The following MAPK4 variants were observed in gnomAD, a reference collection of about 807,000 sequenced individuals.
The protein encoded by MAPK4 is mitogen-activated protein kinase 4, also known as Erk3-related.
Under a neutral mutation model 47.7 loss-of-function variants are expected in MAPK4, and 22 were observed. The observed-to-expected ratio is 0.46, with a 90% CI of 0.33 to 0.66. The LOEUF is 0.66. MAPK4 is among the 30% of genes least tolerant of loss of function. MAPK4 has a pLI of 0.02. For missense variants in MAPK4, 736 were observed against 831.7 expected, an observed-to-expected ratio of 0.88 and a Z score of 1.42; for synonymous variants, 390 against 365.7, an observed-to-expected ratio of 1.07 and a Z score of -0.76.
intron 1 of MAPK4, 39 bp downstream of exon 1, chr18:50,560,282 CCT>C (rs1212176604): frequency 1.3e-5 from 2 of 152,130 alleles, no homozygotes; most frequent in African/African-American, 4.8e-5. Flanking sequence ...CCTCCCGCCG[CCT>C]GCGCCTCTCG....
chr18:50,625,882 GCACACACA>G lies in MAPK4; in HGVS notation c.-870-37168_-870-37161del, dbSNP rs58870306. On this transcript the variant is annotated intron_variant, in intron 1 of 5. Transcript: ENST00000400384. Reference sequence around the variant, plus strand: ...AGAAAAACCAATAGGGTGTGTGTATGCACACACACACACACACACACACACACACACAC... The same window carrying G: ...AGAAAAACCAATAGGGTGTGTGTATGCACACACACACACACACACACACAC... Among the ~76,000 whole-genome samples the G allele has an allele frequency of 2.0e-3, 292 of 145,424 alleles. 2 individuals are homozygous for G. Among genetic ancestry groups the G allele is most frequent in the African/African-American group, 4.6e-3 (178 of 38,630 alleles).
At chr18:50,564,678 T>G (rs1163854485) in intron 1 of MAPK4, among the ~76,000 whole-genome samples, 1 of 152,190 alleles carries the variant, frequency 6.6e-6, no homozygotes, top group Non-Finnish European at 1.5e-5. Context: ...GATATCCTAA[T>G]CTGGTTATTA....
intron 1 of MAPK4, among the ~76,000 whole-genome samples, chr18:50,577,780 G>A (rs2042310503): frequency 6.6e-6 from 1 of 152,180 alleles, no homozygotes; most frequent in Non-Finnish European, 1.5e-5. Flanking sequence ...AATAAATTCA[G>A]CTCACGACCA....
chr18:50,710,929 C>A (rs1237358653), intron 2 of MAPK4, among the ~76,000 whole-genome samples: 1 of 152,316 alleles, frequency 6.6e-6, no homozygotes, highest in African/African-American at 2.4e-5. Context: ...AACTCCCACA[C>A]GCAAGAGATC....
intron 2 of MAPK4, among the ~76,000 whole-genome samples, chr18:50,693,223 C>T (rs538143640): frequency 6.6e-6 from 1 of 152,082 alleles, no homozygotes; most frequent in Non-Finnish European, 1.5e-5. Flanking sequence ...AGCACCACTG[C>T]ACTCCAGCCT....
rs112699030 is a variant in MAPK4 at position 50,722,393 on chromosome 18, A to G, written c.853+294A>G. 8.4e-3 allele frequency among the ~76,000 whole-genome samples: 1,275 copies of G among 151,872 alleles called. 16 individuals are homozygous for G. The highest frequency in any genetic ancestry group is 0.029 in the African/African-American group (1,190 of 41,352). On this transcript the variant is annotated intron_variant, in intron 4 of 5. Coordinates refer to ENST00000400384, the MANE Select transcript of MAPK4 (RefSeq NM_002747.4). The stretch of plus-strand genomic sequence containing the variant: ...CTCTCTTTCCTTCATCCTCCCTCAC[A>G]TTTTTGTCCTGGAAGGCTTGGTGTG...
At chr18:50,661,121 A>G (rs1269103917) in intron 1 of MAPK4, among the ~76,000 whole-genome samples, 1 of 152,222 alleles carries the variant, frequency 6.6e-6, no homozygotes, top group Non-Finnish European at 1.5e-5. Flanking sequence ...GAAGCTGGAA[A>G]GGAAGAAGGC....
intron 1 of MAPK4, among the ~76,000 whole-genome samples, chr18:50,660,806 G>C (rs1277141011): frequency 6.6e-6 from 1 of 152,154 alleles, no homozygotes; most frequent in African/African-American, 2.4e-5. Flanking sequence ...AGGCAGCAAA[G>C]AGTCTATTTA....
Position 50,584,540 on chromosome 18 carries a change from A to G in MAPK4, c.-871+24297A>G, listed in dbSNP as rs571113908. On this transcript the variant is annotated intron_variant, in intron 1 of 5. Transcript: ENST00000400384. The stretch of plus-strand genomic sequence containing the variant: ...AGAGTATTTGAACTCTGCATGATGT[A>G]TGAATTGTGTATTGTTCCCTAGCTA... Among the ~76,000 whole-genome samples, 5 of 152,374 alleles carry G rather than the reference A, an allele frequency of 3.3e-5. No homozygotes were observed. The South Asian group carries it at 1.0e-3, about 32-fold the overall frequency.
At chr18:50,726,203 C>T (rs996445891) in intron 5 of MAPK4, 28 bp downstream of exon 5, 1 of 1,605,094 alleles carries the variant, frequency 6.2e-7, no homozygotes, top group Non-Finnish European at 8.5e-7. Flanking sequence ...TTCCAGAGCC[C>T]ACATTTCCCT....
chr18:50,587,801 T>C (rs752196938), intron 1 of MAPK4, among the ~76,000 whole-genome samples: 1 of 152,206 alleles, frequency 6.6e-6, no homozygotes, highest in Non-Finnish European at 1.5e-5. Flanking sequence ...CGATCTCGGC[T>C]CATTGCAACT....
intron 1 of MAPK4, among the ~76,000 whole-genome samples, chr18:50,631,116 A>G (rs1281338783): frequency 6.6e-6 from 1 of 152,226 alleles, no homozygotes; most frequent in Non-Finnish European, 1.5e-5. Context: ...AGACAGGGTG[A>G]CACGCTGCCT....
intron 5 of MAPK4, among the ~76,000 whole-genome samples, chr18:50,727,072 G>A (rs1219155229): frequency 6.6e-6 from 1 of 152,208 alleles, no homozygotes; most frequent in African/African-American, 2.4e-5. Context: ...GTCCCTGGAA[G>A]CCACTACCAA....
chr18:50,625,110 G>A lies in MAPK4; in HGVS notation c.-870-37979G>A, dbSNP rs1190708866. Among the ~76,000 whole-genome samples, 4 of 152,206 alleles carry A rather than the reference G, an allele frequency of 2.6e-5. 1 individual carries two copies. The South Asian group carries it at 6.2e-4, about 24-fold the overall frequency. On this transcript the variant is annotated intron_variant, in intron 1 of 5. Transcript: ENST00000400384. Reference sequence around the variant, plus strand: ...GCACTTGCTCCAGGACACTGGTGGGGAGAAGCTGAGGCCCAGGACCTGAAA... The same window carrying A: ...GCACTTGCTCCAGGACACTGGTGGGAAGAAGCTGAGGCCCAGGACCTGAAA...
intron 1 of MAPK4, among the ~76,000 whole-genome samples, chr18:50,594,909 G>A (rs1259411015): frequency 6.6e-6 from 1 of 152,106 alleles, no homozygotes; most frequent in South Asian, 2.1e-4. Context: ...GAAAAACATG[G>A]CAAAAGACTT....
At position 50,644,604 on chromosome 18, in the gene MAPK4, C is replaced by G. The variant is rs945397431; in HGVS notation, c.-870-18485C>G. On this transcript the variant is annotated intron_variant, in intron 1 of 5. Coordinates refer to ENST00000400384, the MANE Select transcript of MAPK4 (RefSeq NM_002747.4). ...CATTTTTAATGTGCTGAAAGCCATTCCCCGCATCGCCAAAATAGCCAAAGT... is the reference window on the plus strand; with the variant it reads ...CATTTTTAATGTGCTGAAAGCCATTGCCCGCATCGCCAAAATAGCCAAAGT... Among the ~76,000 whole-genome samples, 4 of 152,264 alleles carry G rather than the reference C, an allele frequency of 2.6e-5. No homozygotes were observed. In the East Asian group the frequency reaches 7.7e-4, roughly 29 times the overall value.
chr18:50,683,317 C>T (rs1279815420), intron 2 of MAPK4, among the ~76,000 whole-genome samples: 2 of 151,860 alleles, frequency 1.3e-5, no homozygotes, highest in Non-Finnish European at 2.9e-5. Flanking sequence ...AGACGGGAGT[C>T]TCACCATGTT....
chr18:50,683,154 C>G (rs887086032), intron 2 of MAPK4, among the ~76,000 whole-genome samples: 2 of 152,004 alleles, frequency 1.3e-5, no homozygotes, highest in African/African-American at 4.8e-5. Flanking sequence ...GAATCTTGCT[C>G]TGTTGCCCAG....
chr18:50,588,655 G>C (rs1462145838), intron 1 of MAPK4, among the ~76,000 whole-genome samples: 1 of 152,158 alleles, frequency 6.6e-6, no homozygotes, highest in African/African-American at 2.4e-5. Context: ...TCCAGGCTCA[G>C]GTGATTCTCT....
Sources: allele counts gnomAD v4.1 joint callset (sites outside exome capture counted in the v4.1 genomes callset), GRCh38; gene constraint gnomAD v4.1.1; transcripts MANE v1.5; gene names NCBI Gene and HGNC (gene_info 2026-07-23, HGNC 2026-07-21).